SLIT2: variants seen among roughly 807,000 people sequenced by gnomAD.
The protein encoded by SLIT2 is slit homolog 2 protein.
SLIT2 carries 41 observed loss-of-function variants against 185.7 expected under a neutral mutation model. The observed-to-expected ratio is 0.22, with a 90% CI of 0.17 to 0.29. The LOEUF is 0.29. Among genes scored for constraint, SLIT2 ranks in the 10% least tolerant of loss-of-function variants. SLIT2 has a pLI of 1.00. For missense variants in SLIT2, 1,571 were observed against 1,909.0 expected, an observed-to-expected ratio of 0.82 and a Z score of 3.30; for synonymous variants, 693 against 680.2, an observed-to-expected ratio of 1.02 and a Z score of -0.29.
At chr4:20,561,972 T>C (rs1724731599) in intron 26 of SLIT2, among the ~76,000 whole-genome samples, 1 of 151,892 alleles carries the variant, frequency 6.6e-6, no homozygotes, top group South Asian at 2.1e-4. Context: ...ATTATTGCCC[T>C]TTCCATGTAA....
chr4:20,377,447 A>G (rs1724118224), intron 4 of SLIT2, among the ~76,000 whole-genome samples: 1 of 152,156 alleles, frequency 6.6e-6, no homozygotes, highest in South Asian at 2.1e-4. Context: ...ATTATAAACT[A>G]GTAATCATAA....
intron 4 of SLIT2, among the ~76,000 whole-genome samples, chr4:20,424,973 T>C (rs1258627242): frequency 6.6e-6 from 1 of 152,142 alleles, no homozygotes; most frequent in Non-Finnish European, 1.5e-5. Flanking sequence ...TCTAAATATT[T>C]CAGTTGATTG....
At chr4:20,511,834 T>C (rs1719785926) in intron 11 of SLIT2, among the ~76,000 whole-genome samples, 1 of 151,972 alleles carries the variant, frequency 6.6e-6, no homozygotes, top group Non-Finnish European at 1.5e-5. Context: ...AAAATCTTGC[T>C]GAGAACACTT....
At chr4:20,428,831 G>A (rs1728752533) in intron 4 of SLIT2, among the ~76,000 whole-genome samples, 1 of 152,158 alleles carries the variant, frequency 6.6e-6, no homozygotes, top group Non-Finnish European at 1.5e-5. Flanking sequence ...ATGGGAAATT[G>A]CTGACACGTT....
In SLIT2 at chr4:20,538,928, G is replaced by A. The variant is rs1055279477; in HGVS notation, c.1833-513G>A. Among the ~76,000 whole-genome samples, 8 of 152,104 alleles carry A rather than the reference G, an allele frequency of 5.3e-5. 1 individual carries two copies. The South Asian group carries it at 1.5e-3, about 28-fold the overall frequency. ...AAATAAAATTATTCGTGTAGTCTTT[G>A]TGGATATTCTGTCCATTTTGGCGCC... is the stretch of plus-strand genomic sequence containing the variant. On this transcript the variant is annotated intron_variant, in intron 18 of 36. Transcript: ENST00000504154.
intron 4 of SLIT2, among the ~76,000 whole-genome samples, chr4:20,450,971 A>G (rs2148713824): frequency 6.6e-6 from 1 of 152,342 alleles, no homozygotes; most frequent in Non-Finnish European, 1.5e-5. Flanking sequence ...CTATCTTACA[A>G]CAAATGACAA....
chr4:20,324,464 A>G lies in SLIT2; in HGVS notation c.395+55583A>G, dbSNP rs1158128566. Among the ~76,000 whole-genome samples the G allele has an allele frequency of 3.3e-5, 5 of 152,152 alleles. No individual in the cohort carries two copies. The East Asian group carries it at 9.7e-4, about 29-fold the overall frequency. On this transcript the variant is annotated intron_variant, in intron 4 of 36. Transcript: ENST00000504154. ...ATATCCTTTTAAAATTCTTCCTTAA[A>G]GTAACGGAATGATGTAACCAAAGGG... is the stretch of plus-strand genomic sequence containing the variant.
intron 5 of SLIT2, among the ~76,000 whole-genome samples, chr4:20,477,028 G>A (rs1716175895): frequency 6.6e-6 from 1 of 151,884 alleles, no homozygotes; most frequent in Admixed American, 6.6e-5. Flanking sequence ...GCATACAGTG[G>A]TATCTCTTAA....
chr4:20,483,123 C>G (rs1560464587), intron 6 of SLIT2, among the ~76,000 whole-genome samples: 3 of 151,868 alleles, frequency 2.0e-5, no homozygotes, highest in Non-Finnish European at 4.4e-5. Flanking sequence ...TTACACATTG[C>G]CTTAAATTTC....
rs57107396 is a variant in SLIT2, at chr4:20,273,195, A to AT, written c.395+4323dup. Among the ~76,000 whole-genome samples, 1,469 of 151,178 alleles carry AT rather than the reference A, an allele frequency of 9.7e-3. 30 individuals are homozygous for AT. Among genetic ancestry groups the AT allele is most frequent in the African/African-American group, 0.034 (1,390 of 41,248 alleles). ...CCATCACTGCCATAGAAGGAGACTT[A>AT]TTTTTTTTTAATAGTTATAAGAGTA... On this transcript the variant is annotated intron_variant, in intron 4 of 36. Coordinates refer to ENST00000504154, the MANE Select transcript of SLIT2 (RefSeq NM_004787.4).
rs755383778 is a variant in SLIT2 at position 20,253,950 on chromosome 4, G to T, written c.135G>T (p.Ala45=). 2 of 1,603,018 alleles carry T rather than the reference G, an allele frequency of 1.2e-6. No homozygotes were observed. The highest frequency in any genetic ancestry group is 1.7e-5 in the Admixed American group (1 of 60,006). The change falls in exon 1 of 37, where the codon GCG becomes GCT. Residue 45 remains alanine, a synonymous_variant. Transcript: ENST00000504154. Reference sequence around the variant, plus strand: ...GCACAGTGGACTGTCACGGGCTGGCGCTGCGCAGCGTGCCCAGGAATATCC... The same window carrying T: ...GCACAGTGGACTGTCACGGGCTGGCTCTGCGCAGCGTGCCCAGGAATATCC... ...SGSTVDCHGL[A]LRSVPRNIPR...
At chr4:20,614,410 G>T (rs971840908) in intron 34 of SLIT2, among the ~76,000 whole-genome samples, 1 of 152,080 alleles carries the variant, frequency 6.6e-6, no homozygotes, top group African/African-American at 2.4e-5. Flanking sequence ...TTATCTGTTG[G>T]TTGATTGATT....
At chr4:20,469,032 G>A (rs1714670454) in intron 5 of SLIT2, among the ~76,000 whole-genome samples, 1 of 152,054 alleles carries the variant, frequency 6.6e-6, no homozygotes, top group Non-Finnish European at 1.5e-5. Context: ...AGGTATAAAT[G>A]TATAAAGCCA....
chr4:20,427,599 T>C (rs1728654991), intron 4 of SLIT2, among the ~76,000 whole-genome samples: 1 of 152,218 alleles, frequency 6.6e-6, no homozygotes, highest in Middle Eastern at 3.4e-3. Flanking sequence ...GAGCTCTCAT[T>C]TTTTCCAACA....
rs1016014692 is a variant in SLIT2 at position 20,252,216 on chromosome 4, C to A, written c.-1600C>A. Among the ~76,000 whole-genome samples the A allele has an allele frequency of 2.0e-5, 3 of 152,076 alleles. No homozygotes were observed. The highest frequency in any genetic ancestry group is 7.2e-5 in the African/African-American group (3 of 41,426). ...CAGCCCCAGCGAACAACTCCAGTTA[C>A]GACAACAACCCACCTTCCTTCCAGA... On this transcript the variant is annotated 5_prime_UTR_variant, in exon 1 of 37. Coordinates refer to ENST00000504154, the MANE Select transcript of SLIT2 (RefSeq NM_004787.4).
chr4:20,514,408 A>G (rs1577829284), intron 11 of SLIT2, among the ~76,000 whole-genome samples: 1 of 152,178 alleles, frequency 6.6e-6, no homozygotes, highest in Non-Finnish European at 1.5e-5. Context: ...TGGGAGGCCT[A>G]GGCAGGCGGA....
chr4:20,401,121 TCTGA>T (rs1245882456), intron 4 of SLIT2, among the ~76,000 whole-genome samples: 11 of 151,840 alleles, frequency 7.2e-5, no homozygotes, highest in Admixed American at 1.3e-4. Context: ...TCCATCATCT[TCTGA>T]CTAAGGATAG....
chr4:20,316,827 T>G (rs576160446), intron 4 of SLIT2, among the ~76,000 whole-genome samples: 1 of 151,482 alleles, frequency 6.6e-6, no homozygotes, highest in Admixed American at 6.6e-5. Flanking sequence ...AGCTTTTTTT[T>G]TTTTTTTAAT....
chr4:20,473,626 A>G (rs1715798558), intron 5 of SLIT2, among the ~76,000 whole-genome samples: 1 of 152,018 alleles, frequency 6.6e-6, no homozygotes, highest in African/African-American at 2.4e-5. Context: ...CGATGGCTCC[A>G]TTAGAACCCA....
Sources: allele counts gnomAD v4.1 joint callset (sites outside exome capture counted in the v4.1 genomes callset), GRCh38; gene constraint gnomAD v4.1.1; transcripts MANE v1.5; gene names NCBI Gene and HGNC (gene_info 2026-07-23, HGNC 2026-07-21).